CSNK1D: variants seen among roughly 807,000 people sequenced by gnomAD.
CSNK1D encodes casein kinase I isoform delta.
A neutral mutation model predicts 46.6 loss-of-function variants in CSNK1D; 16 were observed. The ratio of observed to expected loss-of-function variants is 0.34; its 90% CI spans 0.23 to 0.52. The LOEUF (loss-of-function observed/expected upper bound fraction) is 0.52. Ranked by LOEUF, CSNK1D falls within the 20% of genes least tolerant of loss-of-function variation. CSNK1D has a pLI of 0.95. For synonymous variants in CSNK1D, 276 were observed against 228.2 expected, an observed-to-expected ratio of 1.21 and a Z score of -1.89; for missense variants, 398 against 578.4, an observed-to-expected ratio of 0.69 and a Z score of 3.20.
chr17:82,244,637 C>A lies in CSNK1D; in HGVS notation c.*144G>T, dbSNP rs771267349. On this transcript the variant is annotated 3_prime_UTR_variant, in exon 9 of 9. Transcript: ENST00000314028. ...CTGTCCGTTTAGTATGTTTCCCCCA[C>A]GAGCGTCGCTGGGTGAGTGGCCTGG... The A allele has an allele frequency of 1.3e-6, 2 of 1,542,326 alleles. No homozygotes were observed. Among genetic ancestry groups the A allele is most frequent in the Non-Finnish European group, 1.7e-6 (2 of 1,149,368 alleles).
chr17:82,255,376 G>C lies in CSNK1D; in HGVS notation c.336+53C>G. The C allele has an allele frequency of 1.9e-6, 3 of 1,594,310 alleles. No homozygotes were observed. The highest frequency in any genetic ancestry group is 8.6e-7 in the Non-Finnish European group (1 of 1,161,934). Reference sequence around the variant, plus strand: ...ATGGCAAGAACAGCACAAGCGAGTGGCTGATTCTATCAGACAGCAAGTGTG... The same window carrying C: ...ATGGCAAGAACAGCACAAGCGAGTGCCTGATTCTATCAGACAGCAAGTGTG... On this transcript the variant is annotated intron_variant, in intron 3 of 8. Transcript: ENST00000314028. This position sits in a 1 kb window ranked among gnomAD's most constrained non-coding sequence, Gnocchi z 5.9.
At chr17:82,244,944 CCA>C (rs2147150256) in intron 8 of CSNK1D, 113 bp from the exon 9 acceptor site, 4 of 1,385,204 alleles carry the variant, frequency 2.9e-6, no homozygotes, top group East Asian at 4.7e-5. Context: ...CCGCCTAGCC[CCA>C]GTCTAGACGC....
chr17:82,252,612 G>C lies in CSNK1D; in HGVS notation c.566-8C>G, dbSNP rs1431880674. On this transcript the variant is annotated splice_polypyrimidine_tract_variant and splice_region_variant and intron_variant, in intron 4 of 8. Coordinates refer to ENST00000314028, the MANE Select transcript of CSNK1D (RefSeq NM_001893.6). This position sits in a 1 kb window ranked among gnomAD's most constrained non-coding sequence, Gnocchi z 4.6. ...CATCTCTTCGGGATTGTTCTGAAAA[G>C]AAAAGGGAAAGGCGTGAAGAACGGC... 6.2e-7 allele frequency: 1 copy of C among 1,613,210 alleles called. No individual in the cohort carries two copies. Among genetic ancestry groups the C allele is most frequent in the African/African-American group, 1.3e-5 (1 of 75,044 alleles).
intron 8 of CSNK1D, chr17:82,247,570 C>G (rs1455253196): frequency 7.1e-6 from 7 of 985,474 alleles, no homozygotes; most frequent in Non-Finnish European, 8.4e-6. Flanking sequence ...GGTTCAGGGG[C>G]TACAGAGCCA....
chr17:82,251,016 G>A lies in CSNK1D; in HGVS notation c.885+363C>T, dbSNP rs1345187435. ...AGGCCCCAACCCCACTCATCTCGTG[G>A]GCACCACGACCATGTGGCACAGCGA... On this transcript the variant is annotated intron_variant, in intron 6 of 8. Coordinates refer to ENST00000314028, the MANE Select transcript of CSNK1D (RefSeq NM_001893.6). This position sits in a 1 kb window ranked among gnomAD's most constrained non-coding sequence, Gnocchi z 4.5. The A allele has an allele frequency of 2.9e-6, 1 of 344,214 alleles. No homozygotes were observed. Among genetic ancestry groups the A allele is most frequent in the East Asian group, 7.6e-5 (1 of 13,144 alleles). The allele number at this position is 344,214 out of a possible 1,614,324, so 21.3% of individuals were successfully genotyped here.
intron 3 of CSNK1D, chr17:82,254,319 C>T (rs1171380528): frequency 1.7e-5 from 5 of 300,762 alleles, no homozygotes; most frequent in Non-Finnish European, 3.1e-5. Flanking sequence ...AGCCAGTCAG[C>T]TGAGCCGCCG....
chr17:82,251,386 A>C lies in CSNK1D; in HGVS notation c.878T>G (p.Leu293Arg). The C allele has an allele frequency of 1.2e-6, 2 of 1,614,064 alleles. No individual in the cohort carries two copies. Among genetic ancestry groups the C allele is most frequent in the Non-Finnish European group, 8.5e-7 (1 of 1,180,008 alleles). Residue 293 changes from leucine to arginine, a missense_variant, in exon 6 of 9, where the codon CTC becomes CGC. Around this residue, in one of 2 missense-constraint regions of CSNK1D, gnomAD observed 181 missense variants for 208.0 expected, o/e 0.87. Coordinates refer to ENST00000314028, the MANE Select transcript of CSNK1D (RefSeq NM_001893.6). The surrounding 1 kb of genome is among the most constrained non-coding windows in gnomAD (Gnocchi z 4.5). Reference sequence around the variant, plus strand: ...GCTGGCAGTGCGACTTACAAATTTGAGCATGTTCCAGTCGAACACGTAGTC... The same window carrying C: ...GCTGGCAGTGCGACTTACAAATTTGCGCATGTTCCAGTCGAACACGTAGTC... ...SYDYVFDWNMLKFGASRAADD... is the reference protein window; with the variant it reads ...SYDYVFDWNMRKFGASRAADD...
In CSNK1D at chr17:82,255,346, T is replaced by C; in HGVS notation, c.336+83A>G. ...CATTTCCTCTGTGAATTAATGGCCA[T>C]AATAATGGCAAGAACAGCACAAGCG... On this transcript the variant is annotated intron_variant, in intron 3 of 8. Coordinates refer to ENST00000314028, the MANE Select transcript of CSNK1D (RefSeq NM_001893.6). The surrounding 1 kb of genome is among the most constrained non-coding windows in gnomAD (Gnocchi z 5.9). The C allele has an allele frequency of 5.2e-6, 8 of 1,525,946 alleles. No homozygotes were observed. In the South Asian group the frequency reaches 6.7e-5, roughly 13 times the overall value. 94.5% of individuals were successfully genotyped at this position (1,525,946 alleles called of 1,614,324 possible). A position where few individuals can be genotyped will look rare whatever the true frequency, so the allele number is the denominator to read the frequency against.
Position 82,248,408 on chromosome 17 carries a change from G to A in CSNK1D, c.1197+467C>T, listed in dbSNP as rs935238278. The A allele has an allele frequency of 2.3e-5, 23 of 1,011,600 alleles. No individual in the cohort carries two copies. Among genetic ancestry groups the A allele is most frequent in the Non-Finnish European group, 2.7e-5 (23 of 844,158 alleles). 62.7% of individuals were successfully genotyped at this position (1,011,600 alleles called of 1,614,324 possible). ...TCAAAAGAAGGAAAGCCTCGTTGCA[G>A]GGCATGCCACCAGGGAGGGTCTCAC... On this transcript the variant is annotated intron_variant, in intron 8 of 8. Transcript: ENST00000314028. The surrounding 1 kb of genome is among the most constrained non-coding windows in gnomAD (Gnocchi z 4.1).
Position 82,255,554 on chromosome 17 carries a change from A to G in CSNK1D, c.211T>C (p.Cys71Arg). The G allele has an allele frequency of 6.2e-7, 1 of 1,614,078 alleles. No homozygotes were observed. Among genetic ancestry groups the G allele is most frequent in the Non-Finnish European group, 8.5e-7 (1 of 1,180,016 alleles). Reference sequence around the variant, plus strand: ...ACGTTGTAGTCCCCCTCTGCCCCGCACCATCTGATGGTGGGGATGCCCACT... The same window carrying G: ...ACGTTGTAGTCCCCCTCTGCCCCGCGCCATCTGATGGTGGGGATGCCCACT... Reference protein sequence around the residue: ...GGVGIPTIRWCGAEGDYNVMV... With the variant: ...GGVGIPTIRWRGAEGDYNVMV... Residue 71 changes from cysteine (C) to arginine (R), a missense_variant, in exon 3 of 9, where the codon TGC becomes CGC. Coordinates refer to ENST00000314028, the MANE Select transcript of CSNK1D (RefSeq NM_001893.6). This position sits in a 1 kb window ranked among gnomAD's most constrained non-coding sequence, Gnocchi z 5.9.
At chr17:82,246,624 G>C (rs1056080263) in intron 8 of CSNK1D, 1 of 1,007,322 alleles carries the variant, frequency 9.9e-7, no homozygotes, top group East Asian at 9.6e-5. Context: ...GACCCAGGCG[G>C]AGTCCGGGCT....
At position 82,242,847 on chromosome 17, in the gene CSNK1D, T is replaced by C. The variant is rs2050762088; in HGVS notation, c.*1934A>G. On this transcript the variant is annotated 3_prime_UTR_variant, in exon 9 of 9. Transcript: ENST00000314028. The stretch of plus-strand genomic sequence containing the variant: ...ACTGGGCAAGGACTGTCACAAGCAC[T>C]CCGAAGACGCGACCCGGCGAGGCTC... The C allele has an allele frequency of 1.0e-6, 1 of 985,006 alleles. No homozygotes were observed. Among genetic ancestry groups the C allele is most frequent in the Non-Finnish European group, 1.2e-6 (1 of 829,690 alleles). 61.0% of individuals were successfully genotyped at this position (985,006 alleles called of 1,614,324 possible). A position where few individuals can be genotyped will look rare whatever the true frequency, so the allele number is the denominator to read the frequency against.
intron 1 of CSNK1D, among the ~76,000 whole-genome samples, chr17:82,268,432 G>A (rs912334720): frequency 2.0e-5 from 3 of 152,236 alleles, no homozygotes; most frequent in East Asian, 3.8e-4. Context: ...CTGCAATCTG[G>A]CATCGCTGCA....
rs771944737 is a variant in CSNK1D, at chr17:82,255,490, A to G, written c.275T>C (p.Leu92Pro). ...MELLGPSLED[L>P]FNFCSRKFSL... ...GAATTTCCTGGAGCAGAAGTTGAAG[A>G]GGTCCTCCAGGCTTGGCCCCAGCAG... The change falls in exon 3 of 9, where the codon CTC becomes CCC. Residue 92 changes from leucine to proline, a missense_variant. By Grantham distance (98) the Leu-to-Pro change is moderately conservative (BLOSUM62 -3). This residue lies in a region of CSNK1D where 217 missense variants were observed against 370.3 expected (regional missense o/e 0.59). Transcript: ENST00000314028. The surrounding 1 kb of genome is among the most constrained non-coding windows in gnomAD (Gnocchi z 5.9). 6.2e-7 allele frequency: 1 copy of G among 1,614,182 alleles called. No homozygotes were observed. Among genetic ancestry groups the G allele is most frequent in the Non-Finnish European group, 8.5e-7 (1 of 1,180,040 alleles).
At position 82,253,106 on chromosome 17, in the gene CSNK1D, CA is replaced by C; in HGVS notation, c.474del (p.Asp158GlufsTer46). On this transcript the variant is annotated frameshift_variant, in exon 4 of 9. Coordinates refer to ENST00000314028, the MANE Select transcript of CSNK1D (RefSeq NM_001893.6). LOFTEE classifies it high-confidence loss of function. ...TAGGGGATGTGCTGGTGGGTGCGTG[CA>C]TCCCGGTACTTCTTGGCCAGCCCGA... Reference protein sequence around the residue: ...IDFGLAKKYRDARTHQHIPYR... With the variant: ...IDFGLAKKYRXARTHQHIPYR... 6.2e-7 allele frequency: 1 copy of C among 1,614,226 alleles called. No homozygotes were observed. The highest frequency in any genetic ancestry group is 8.5e-7 in the Non-Finnish European group (1 of 1,180,038).
Position 82,252,563 on chromosome 17 carries a change from G to A in CSNK1D, c.607C>T (p.Leu203=), listed in dbSNP as rs1420895553. 6.2e-7 allele frequency: 1 copy of A among 1,614,036 alleles called. No individual in the cohort carries two copies. Among genetic ancestry groups the A allele is most frequent in the Non-Finnish European group, 8.5e-7 (1 of 1,180,038 alleles). Residue 203 remains leucine (L), a synonymous_variant, in exon 5 of 9, where the codon CTA becomes TTA. Transcript: ENST00000314028. This position sits in a 1 kb window ranked among gnomAD's most constrained non-coding sequence, Gnocchi z 4.6. ...RDDLESLGYV[L]MYFNLGSLPW... ...AGAGAGCCCAGGTTGAAGTACATTA[G>A]CACGTAGCCCAGAGACTCCAAGTCA... is the stretch of plus-strand genomic sequence containing the variant.
chr17:82,243,875 C>T lies in CSNK1D; in HGVS notation c.*906G>A, dbSNP rs1334638974. On this transcript the variant is annotated 3_prime_UTR_variant, in exon 9 of 9. Coordinates refer to ENST00000314028, the MANE Select transcript of CSNK1D (RefSeq NM_001893.6). ...CCCAAGGGACCAGAAACGCATCTTCCACCTTGAATCCTGGGACTCCCAATT... is the reference window on the plus strand; with the variant it reads ...CCCAAGGGACCAGAAACGCATCTTCTACCTTGAATCCTGGGACTCCCAATT... 3.0e-6 allele frequency: 3 copies of T among 985,530 alleles called. No individual in the cohort carries two copies. The highest frequency in any genetic ancestry group is 1.7e-5 in the African/African-American group (1 of 57,244). 61.0% of individuals were successfully genotyped at this position (985,530 alleles called of 1,614,324 possible).
chr17:82,257,754 C>A (rs1348402645), intron 2 of CSNK1D, among the ~76,000 whole-genome samples: 12 of 152,210 alleles, frequency 7.9e-5, no homozygotes, highest in Non-Finnish European at 4.4e-5. Context: ...TGAGGAGGAG[C>A]CTGCAGAATG....
At chr17:82,272,796 C>T (rs1307623617) in intron 1 of CSNK1D, among the ~76,000 whole-genome samples, 1 of 152,198 alleles carries the variant, frequency 6.6e-6, no homozygotes, top group Non-Finnish European at 1.5e-5. Context: ...GACCGGGCTG[C>T]GGAAGAAAGA....
Sources: allele counts gnomAD v4.1 joint callset (sites outside exome capture counted in the v4.1 genomes callset), GRCh38; gene constraint gnomAD v4.1.1; regional missense constraint gnomAD v4.1.1; non-coding constraint Gnocchi (gnomAD v3.1); transcripts MANE v1.5; gene names NCBI Gene and HGNC (gene_info 2026-07-23, HGNC 2026-07-21).